Variants in WDR19 observed in about 807,000 individuals in gnomAD.
WDR19 encodes the protein WD repeat-containing protein 19.
WDR19 carries 121 observed loss-of-function variants against 180.0 expected under a neutral mutation model. That is an observed-to-expected ratio of 0.67 (90% confidence interval 0.58 to 0.78). The LOEUF (loss-of-function observed/expected upper bound fraction) is 0.78. Ranked by LOEUF, WDR19 falls within the 30% of genes least tolerant of loss-of-function variation. The pLI is 0.00. For missense variants in WDR19, 1,450 were observed against 1,640.7 expected, an observed-to-expected ratio of 0.88 and a Z score of 2.01; for synonymous variants, 497 against 540.7, an observed-to-expected ratio of 0.92 and a Z score of 1.12.
intron 14 of WDR19, among the ~76,000 whole-genome samples, chr4:39,221,171 T>A (rs1000598545): frequency 1.3e-5 from 2 of 152,172 alleles, no homozygotes; most frequent in African/African-American, 4.8e-5. Context: ...AATTTGGTGA[T>A]ATGGAAAAAT....
chr4:39,248,381 C>A lies in WDR19; in HGVS notation c.2729+2929C>A, dbSNP rs193190084. 9.1e-3 allele frequency among the ~76,000 whole-genome samples: 1,386 copies of A among 152,270 alleles called. 18 individuals carry two copies. Among genetic ancestry groups the A allele is most frequent in the African/African-American group, 0.031 (1,299 of 41,532 alleles). On this transcript the variant is annotated intron_variant, in intron 24 of 36. Transcript: ENST00000399820. ...TAAACATGGAAAGGAAGAACCGGTACCAGCCACTGCAAAAACATGCCAAAT... is the reference window on the plus strand; with the variant it reads ...TAAACATGGAAAGGAAGAACCGGTAACAGCCACTGCAAAAACATGCCAAAT...
intron 7 of WDR19, 139 bp downstream of exon 7, chr4:39,203,861 T>A (rs1727625555): frequency 2.5e-6 from 2 of 808,248 alleles, no homozygotes; most frequent in Non-Finnish European, 4.0e-6. Context: ...TAGAGCTAGG[T>A]CTTTTAGTCC....
intron 4 of WDR19, among the ~76,000 whole-genome samples, chr4:39,190,442 G>A (rs74511200): frequency 0.024 from 3,716 of 152,266 alleles, 150 homozygotes; most frequent in African/African-American, 0.085. Context: ...AAACTTGTCA[G>A]CATTTCCAAC....
At chr4:39,185,426 C>G (rs1725410974) in intron 1 of WDR19, among the ~76,000 whole-genome samples, 1 of 151,990 alleles carries the variant, frequency 6.6e-6, no homozygotes, top group South Asian at 2.1e-4. Flanking sequence ...CTACAAAACA[C>G]TAAAATTACA....
chr4:39,213,818 A>G (rs1728778627), intron 9 of WDR19, among the ~76,000 whole-genome samples: 1 of 152,232 alleles, frequency 6.6e-6, no homozygotes, highest in Admixed American at 6.5e-5. Flanking sequence ...GTATTATACT[A>G]TAGTGTTTCA....
intron 6 of WDR19, among the ~76,000 whole-genome samples, chr4:39,200,491 G>A (rs1340920040): frequency 6.6e-6 from 1 of 152,096 alleles, no homozygotes; most frequent in African/African-American, 2.4e-5. Context: ...CACTTACATG[G>A]GTGTTGACAG....
rs372232320 is a variant in WDR19, at chr4:39,232,255, C to T, written c.2236C>T (p.Pro746Ser). The change falls in exon 19 of 37, where the codon CCT becomes TCT. Residue 746 changes from proline (P) to serine (S), a missense_variant. Physicochemically the swap from Pro to Ser is moderately conservative, Grantham distance 74. Transcript: ENST00000399820. ...AQDLYLASSCPIAALEMRRDL... is the reference protein window; with the variant it reads ...AQDLYLASSCSIAALEMRRDL... ...GGACTTGTACCTTGCATCCAGCTGTCCTATTGCTGCCCTGGAGGTATGGCA... is the reference window on the plus strand; with the variant it reads ...GGACTTGTACCTTGCATCCAGCTGTTCTATTGCTGCCCTGGAGGTATGGCA... 1.9e-6 allele frequency: 3 copies of T among 1,608,730 alleles called. No individual in the cohort carries two copies. Among genetic ancestry groups the T allele is most frequent in the Non-Finnish European group, 2.5e-6 (3 of 1,177,808 alleles).
At chr4:39,244,038 C>G (rs1732242967) in intron 21 of WDR19, among the ~76,000 whole-genome samples, 1 of 151,698 alleles carries the variant, frequency 6.6e-6, no homozygotes, top group Admixed American at 6.6e-5. Context: ...TTGATCTAGG[C>G]TTTCGCAGAA....
intron 14 of WDR19, chr4:39,218,375 C>A: frequency 2.2e-6 from 1 of 444,888 alleles, no homozygotes; most frequent in East Asian, 3.9e-5. Context: ...CACACCTAGC[C>A]TGTGTGGTAG....
intron 17 of WDR19, 76 bp from the exon 18 acceptor site, chr4:39,231,721 A>G (rs2109366539): frequency 7.4e-7 from 1 of 1,348,576 alleles, no homozygotes; most frequent in Non-Finnish European, 9.9e-7. Flanking sequence ...ACGCTATTAG[A>G]TGACATGTAG....
intron 20 of WDR19, chr4:39,238,074 T>C (rs1430966096): frequency 1.3e-5 from 2 of 152,246 alleles, no homozygotes; most frequent in African/African-American, 4.8e-5. Context: ...TTCACTGATA[T>C]TTGTATGCAG....
In WDR19 at chr4:39,270,016, T is replaced by C. The variant is rs1456107767; in HGVS notation, c.3399T>C (p.Tyr1133=). ...RNAHDVLFSM[Y]AELKSQKIKI... ...CACACGATGTTCTCTTCAGTATGTA[T>C]GCAGAACTGAAATCCCAGAAGATCA... Residue 1133 remains tyrosine, a synonymous_variant, in exon 31 of 37, where the codon TAT becomes TAC. Coordinates refer to ENST00000399820, the MANE Select transcript of WDR19 (RefSeq NM_025132.4). 7.4e-6 allele frequency: 12 copies of C among 1,613,824 alleles called. No homozygotes were observed. The highest frequency in any genetic ancestry group is 9.3e-6 in the Non-Finnish European group (11 of 1,179,870).
At chr4:39,234,002 G>A (rs1348270915) in intron 19 of WDR19, among the ~76,000 whole-genome samples, 1 of 152,168 alleles carries the variant, frequency 6.6e-6, no homozygotes, top group Non-Finnish European at 1.5e-5. Context: ...GCTCTGTCAT[G>A]TACCAGCTGT....
At chr4:39,249,126 G>C (rs1490356793) in intron 24 of WDR19, among the ~76,000 whole-genome samples, 2 of 151,994 alleles carry the variant, frequency 1.3e-5, no homozygotes, top group African/African-American at 4.8e-5. Flanking sequence ...TAAAAGAACA[G>C]AAATTATAAC....
At chr4:39,220,997 C>T (rs1206644169) in intron 14 of WDR19, among the ~76,000 whole-genome samples, 1 of 149,752 alleles carries the variant, frequency 6.7e-6, no homozygotes, top group African/African-American at 2.5e-5. Context: ...GCTGGAATTA[C>T]AGGCATGGGA....
intron 29 of WDR19, among the ~76,000 whole-genome samples, chr4:39,266,660 A>G (rs1734828169): frequency 6.6e-6 from 1 of 152,282 alleles, no homozygotes; most frequent in African/African-American, 2.4e-5. Flanking sequence ...ATGAAAAAAG[A>G]TCACTGATGT....
intron 36 of WDR19, among the ~76,000 whole-genome samples, chr4:39,279,285 C>T (rs895249583): frequency 2.4e-4 from 36 of 152,312 alleles, no homozygotes; most frequent in South Asian, 2.1e-4. Context: ...AGATAGGAGT[C>T]GAGATGTCCC....
Position 39,216,199 on chromosome 4 carries a change from T to G in WDR19, c.1238T>G (p.Leu413Arg). ...AATAATCGAGCTTGGTTTTATGTCCTTGGAGAAAATGGCAAGTCTAAATCC... is the reference window on the plus strand; with the variant it reads ...AATAATCGAGCTTGGTTTTATGTCCGTGGAGAAAATGGCAAGTCTAAATCC... ...GMNNRAWFYV[L>R]GENAVKKLKD... The change falls in exon 12 of 37, where the codon CTT (leucine) becomes CGT (arginine). Residue 413 changes from leucine (L) to arginine (R), a missense_variant. Coordinates refer to ENST00000399820, the MANE Select transcript of WDR19 (RefSeq NM_025132.4). 6.4e-7 allele frequency: 1 copy of G among 1,565,516 alleles called. No individual in the cohort carries two copies.
intron 10 of WDR19, 36 bp from the exon 11 acceptor site, chr4:39,215,805 T>C (rs1461036443): frequency 6.3e-7 from 1 of 1,576,802 alleles, no homozygotes; most frequent in African/African-American, 1.4e-5. Context: ...CTATATATTG[T>C]TTTTGAATAA....
Sources: allele counts gnomAD v4.1 joint callset (sites outside exome capture counted in the v4.1 genomes callset), GRCh38; gene constraint gnomAD v4.1.1; transcripts MANE v1.5; gene names NCBI Gene and HGNC (gene_info 2026-07-23, HGNC 2026-07-21).